Variants in TSHZ3 observed in about 807,000 individuals in gnomAD.
TSHZ3 encodes the protein teashirt zinc finger homeobox 3, also known as teashirt homolog 3.
A neutral mutation model predicts 64.5 loss-of-function variants in TSHZ3; 10 were observed. The ratio of observed to expected loss-of-function variants is 0.16; its 90% CI spans 0.10 to 0.26. The LOEUF (loss-of-function observed/expected upper bound fraction) is 0.26, where lower values mean the gene tolerates loss of function less well. Ranked by LOEUF, TSHZ3 falls within the 10% of genes least tolerant of loss-of-function variation. The pLI, the probability that TSHZ3 is intolerant of heterozygous loss-of-function variation, is 1.00. For synonymous variants in TSHZ3, 608 were observed against 593.1 expected (o/e 1.03, Z -0.36); for missense variants, 1,242 against 1,421.7 (o/e 0.87, Z 2.03).
intron 1 of TSHZ3, among the ~76,000 whole-genome samples, chr19:31,281,787 C>T (rs554149568): frequency 3.9e-5 from 6 of 152,340 alleles, no homozygotes; most frequent in East Asian, 3.9e-4. Flanking sequence ...ACCTGCCCCC[C>T]GACAGACTTC....
At chr19:31,226,165 C>T (rs534523551) in intron 4 of TSHZ3, among the ~76,000 whole-genome samples, 4 of 151,876 alleles carry the variant, frequency 2.6e-5, no homozygotes, top group Non-Finnish European at 2.9e-5. Flanking sequence ...TGATGCTGTC[C>T]CCAATTCCTC....
In TSHZ3 at chr19:31,277,607, ATGAC is replaced by A; in HGVS notation, c.2182_2185del (p.Val728Ter). 6.3e-7 allele frequency: 1 copy of A among 1,587,264 alleles called. No individual in the cohort carries two copies. Among genetic ancestry groups the A allele is most frequent in the Non-Finnish European group, 8.6e-7 (1 of 1,166,602 alleles). Reference sequence around the variant, plus strand: ...GGCGGCCTTGCCCAGGTGAATGTTCATGACTGACTGCAGGGCGCTCAAAGGGTTA... The same window carrying A: ...GGCGGCCTTGCCCAGGTGAATGTTCATGACTGCAGGGCGCTCAAAGGGTTA... On this transcript the variant is annotated frameshift_variant, in exon 2 of 2. Transcript: ENST00000240587. LOFTEE classifies it high-confidence loss of function. The surrounding 1 kb of genome is among the most constrained non-coding windows in gnomAD (Gnocchi z 4.5).
At chr19:31,258,410 C>G (rs1249197329) in intron 1 of TSHZ3, among the ~76,000 whole-genome samples, 1 of 152,178 alleles carries the variant, frequency 6.6e-6, no homozygotes, top group Non-Finnish European at 1.5e-5. Flanking sequence ...CCAGGAGAGG[C>G]CACTTGCAAA....
intron 5 of TSHZ3, among the ~76,000 whole-genome samples, chr19:31,199,447 G>A (rs953032497): frequency 1.3e-5 from 2 of 148,650 alleles, no homozygotes. Context: ...TAGTCCGATG[G>A]TCTTTGATAA....
chr19:31,280,447 G>C lies in TSHZ3; in HGVS notation c.41-695C>G, dbSNP rs559485523. On this transcript the variant is annotated intron_variant, in intron 1 of 1. Transcript: ENST00000240587. ...CGTTCCAGTTGAGAGGAAATACCCT[G>C]ACCAGCTACCACCCAGCCCCCAGCC... Among the ~76,000 whole-genome samples, 8 of 151,894 alleles carry C rather than the reference G, an allele frequency of 5.3e-5. No homozygotes were observed. In the South Asian group the frequency reaches 1.2e-3, roughly 24 times the overall value.
chr19:31,332,164 G>A (rs536493249), intron 1 of TSHZ3, among the ~76,000 whole-genome samples: 40 of 152,200 alleles, frequency 2.6e-4, no homozygotes, highest in African/African-American at 9.2e-4. Flanking sequence ...TCAATGAGGT[G>A]GTGTGTTCCC....
chr19:31,166,730 A>G lies in TSHZ3; in HGVS notation n.810-10313T>C, dbSNP rs2145109729. 1.3e-5 allele frequency among the ~76,000 whole-genome samples: 2 copies of G among 152,336 alleles called. 1 individual carries two copies. Among genetic ancestry groups the G allele is most frequent in the East Asian group, 3.9e-4 (2 of 5,188 alleles). On this transcript the variant is annotated intron_variant and non_coding_transcript_variant, in intron 5 of 6. Coordinates refer to the TSHZ3 transcript ENST00000651361. Reference sequence around the variant, plus strand: ...TTCTATCACTCCTTTTCACCCCTGCAACTGCTACAACCAATATCATCATAA... The same window carrying G: ...TTCTATCACTCCTTTTCACCCCTGCGACTGCTACAACCAATATCATCATAA...
chr19:31,151,361 A>G (rs1010798137), exon 7 of TSHZ3, among the ~76,000 whole-genome samples: 7 of 152,134 alleles, frequency 4.6e-5, no homozygotes, highest in Admixed American at 4.6e-4. Flanking sequence ...AAAAAAATCT[A>G]TCACCTCCTT....
rs182199775 is a variant in TSHZ3 at position 31,227,970 on chromosome 19, G to A, written n.686+35C>T. On this transcript the variant is annotated intron_variant and non_coding_transcript_variant, in intron 4 of 6. Coordinates refer to the TSHZ3 transcript ENST00000651361. ...TCTGGTTCCTTCCCTCCATCCACAC[G>A]GACCCCCAACAAGTCCATAAAACCA... Among the ~76,000 whole-genome samples, 291 of 152,084 alleles carry A rather than the reference G, an allele frequency of 1.9e-3. 1 individual carries two copies. The highest frequency in any genetic ancestry group is 6.7e-3 in the African/African-American group (277 of 41,466).
intron 5 of TSHZ3, among the ~76,000 whole-genome samples, chr19:31,182,402 A>G (rs1340675167): frequency 2.0e-5 from 3 of 152,200 alleles, no homozygotes; most frequent in African/African-American, 7.2e-5. Context: ...AAGTCTGCCT[A>G]GGGGATAGTG....
chr19:31,263,547 G>A (rs950644758), intron 1 of TSHZ3, among the ~76,000 whole-genome samples: 1 of 152,244 alleles, frequency 6.6e-6, no homozygotes, highest in African/African-American at 2.4e-5. Context: ...GACGTGCCCT[G>A]TGGCAAGTGG....
chr19:31,306,628 C>T (rs575458005), intron 1 of TSHZ3, among the ~76,000 whole-genome samples: 1 of 152,258 alleles, frequency 6.6e-6, no homozygotes, highest in East Asian at 1.9e-4. Flanking sequence ...CAGCACAGAA[C>T]CTGGGTCTCT....
At chr19:31,255,969 G>A (rs1403353911) in intron 1 of TSHZ3, among the ~76,000 whole-genome samples, 2 of 152,098 alleles carry the variant, frequency 1.3e-5, no homozygotes, top group East Asian at 1.9e-4. Flanking sequence ...AGGAGGGGAC[G>A]GTCCAGTCAC....
At chr19:31,347,976 C>CT (rs1258611381) in intron 1 of TSHZ3, among the ~76,000 whole-genome samples, 2 of 152,192 alleles carry the variant, frequency 1.3e-5, no homozygotes, top group African/African-American at 4.8e-5. Flanking sequence ...TGACCCTACT[C>CT]TCTGCCCTTC....
intron 5 of TSHZ3, among the ~76,000 whole-genome samples, chr19:31,164,791 T>C (rs1195809951): frequency 6.6e-6 from 1 of 152,184 alleles, no homozygotes; most frequent in Non-Finnish European, 1.5e-5. Context: ...CCCCCCTTTG[T>C]GGCTGCTGCG....
intron 3 of TSHZ3, among the ~76,000 whole-genome samples, chr19:31,240,721 C>T (rs1192045833): frequency 6.6e-6 from 1 of 151,860 alleles, no homozygotes; most frequent in Non-Finnish European, 1.5e-5. Flanking sequence ...TTCTTTTTTT[C>T]CGTATATGTT....
chr19:31,315,561 C>G (rs1916576695), intron 1 of TSHZ3, among the ~76,000 whole-genome samples: 1 of 152,202 alleles, frequency 6.6e-6, no homozygotes, highest in African/African-American at 2.4e-5. Flanking sequence ...ACTTCCCTCA[C>G]TCGCCACCCA....
At chr19:31,313,304 G>A (rs989828037) in intron 1 of TSHZ3, among the ~76,000 whole-genome samples, 1 of 152,206 alleles carries the variant, frequency 6.6e-6, no homozygotes, top group African/African-American at 2.4e-5. Flanking sequence ...AAACCTCAAT[G>A]TTCATAAATA....
intron 1 of TSHZ3, among the ~76,000 whole-genome samples, chr19:31,315,188 G>T (rs150614785): frequency 6.6e-6 from 1 of 152,346 alleles, no homozygotes; most frequent in East Asian, 1.9e-4. Flanking sequence ...TTTGGAATAT[G>T]ACCAATCCAA....
Sources: gnomAD v4.1 joint callset for allele counts (sites outside exome capture counted in the v4.1 genomes callset) on GRCh38, gnomAD v4.1.1 for gene constraint, Gnocchi (gnomAD v3.1) non-coding constraint, MANE v1.5 for transcripts, NCBI Gene and HGNC (gene_info 2026-07-23, HGNC 2026-07-21) for gene names.